Variants in POU6F2 observed in about 807,000 individuals in gnomAD.
POU6F2 encodes POU domain, class 6, transcription factor 2.
A neutral mutation model predicts 71.3 loss-of-function variants in POU6F2; 31 were observed. The observed-to-expected ratio is 0.43, with a 90% confidence interval of 0.33 to 0.59. The LOEUF is 0.59. Among genes scored for constraint, POU6F2 ranks in the 20% least tolerant of loss-of-function variants. POU6F2 has a pLI of 0.04. For synonymous variants in POU6F2, 347 were observed against 355.7 expected, an observed-to-expected ratio of 0.98 and a Z score of 0.27; for missense variants, 783 against 856.8, an observed-to-expected ratio of 0.91 and a Z score of 1.07.
At chr7:38,983,037 T>C (rs1788363435) in intron 1 of POU6F2, among the ~76,000 whole-genome samples, 1 of 152,136 alleles carries the variant, frequency 6.6e-6, no homozygotes, top group Admixed American at 6.6e-5. Flanking sequence ...AATTAACATG[T>C]CTGCAAATAC....
chr7:39,458,951 T>C (rs1788876686), intron 8 of POU6F2, among the ~76,000 whole-genome samples: 1 of 152,080 alleles, frequency 6.6e-6, no homozygotes, highest in African/African-American at 2.4e-5. Context: ...TCCTCTCCAC[T>C]CTCCTGTCTC....
intron 4 of POU6F2, among the ~76,000 whole-genome samples, chr7:39,312,700 G>C (rs539558435): frequency 1.3e-5 from 2 of 152,094 alleles, no homozygotes; most frequent in African/African-American, 4.8e-5. Flanking sequence ...CTTGCACTTC[G>C]AGGCCACTAT....
Position 39,464,400 on chromosome 7 carries a change from C to T in POU6F2, c.1877C>T (p.Thr626Ile), listed in dbSNP as rs781210045. 1.2e-6 allele frequency: 2 copies of T among 1,613,984 alleles called. No individual in the cohort carries two copies. Among genetic ancestry groups the T allele is most frequent in the Non-Finnish European group, 1.7e-6 (2 of 1,179,880 alleles). ...CATCGAGCAGGTATGCAGAACCTGACCGAGTTTATCGGGAGTGAACCATCC... is the reference window on the plus strand; with the variant it reads ...CATCGAGCAGGTATGCAGAACCTGATCGAGTTTATCGGGAGTGAACCATCC... Reference protein sequence around the residue: ...ARHRAGMQNLTEFIGSEPSKK... With the variant: ...ARHRAGMQNLIEFIGSEPSKK... Residue 626 changes from threonine to isoleucine, a missense_variant, in exon 10 of 10, where the codon ACC becomes ATC. Thr to Ile is a moderately conservative substitution (Grantham distance 89). Coordinates refer to ENST00000518318, the MANE Select transcript of POU6F2 (RefSeq NM_001370959.1). The surrounding 1 kb of genome is among the most constrained non-coding windows in gnomAD (Gnocchi z 4.1).
chr7:38,990,369 G>A (rs931241690), intron 1 of POU6F2, among the ~76,000 whole-genome samples: 2 of 152,084 alleles, frequency 1.3e-5, no homozygotes, highest in Non-Finnish European at 2.9e-5. Context: ...CCCTGGAGAT[G>A]GAGTGGGGCT....
In POU6F2 at chr7:39,085,671, T is replaced by C. The variant is rs77524016; in HGVS notation, c.106-189T>C. On this transcript the variant is annotated intron_variant, in intron 1 of 9. Coordinates refer to ENST00000518318, the MANE Select transcript of POU6F2 (RefSeq NM_001370959.1). ...GGAGTAATGGAGAACTCATCGGATC[T>C]GTAATAGCTCTTCACTTGACTGCAG... The C allele has an allele frequency of 6.5e-3, 3,787 of 580,328 alleles. 100 individuals carry two copies. Among genetic ancestry groups the C allele is most frequent in the African/African-American group, 0.064 (3,405 of 53,582 alleles). 35.9% of individuals were successfully genotyped at this position (580,328 alleles called of 1,614,324 possible). A position where few individuals can be genotyped will look rare whatever the true frequency, so the allele number is the denominator to read the frequency against.
At chr7:39,373,713 G>T (rs186727199) in intron 5 of POU6F2, 66 of 339,326 alleles carry the variant, frequency 1.9e-4, no homozygotes, top group African/African-American at 1.4e-3. Context: ...TTTCTACCCA[G>T]TTGCTATCTA....
At chr7:39,228,031 A>T (rs983307234) in intron 4 of POU6F2, among the ~76,000 whole-genome samples, 1 of 152,234 alleles carries the variant, frequency 6.6e-6, no homozygotes, top group African/African-American at 2.4e-5. Flanking sequence ...CTGCCTTACC[A>T]GAAGACACAA....
chr7:39,001,983 T>A (rs1788928779), intron 1 of POU6F2: 1 of 152,200 alleles, frequency 6.6e-6, no homozygotes, highest in South Asian at 2.1e-4. Context: ...TAATGTTGAT[T>A]ATAAGCCACA....
At chr7:39,199,444 AT>A (rs1160144133) in intron 2 of POU6F2, among the ~76,000 whole-genome samples, 1 of 152,204 alleles carries the variant, frequency 6.6e-6, no homozygotes, top group East Asian at 1.9e-4. Flanking sequence ...TAGCTAAGAG[AT>A]GCTGAGACTG....
chr7:39,194,741 C>G (rs1055948772), intron 2 of POU6F2, among the ~76,000 whole-genome samples: 3 of 152,222 alleles, frequency 2.0e-5, no homozygotes, highest in Non-Finnish European at 4.4e-5. Context: ...CTGGTGCTCC[C>G]TCTTTGCTTC....
chr7:39,069,806 C>T (rs1481828142), intron 1 of POU6F2, among the ~76,000 whole-genome samples: 2 of 152,090 alleles, frequency 1.3e-5, no homozygotes, highest in Non-Finnish European at 2.9e-5. Flanking sequence ...CATCTTTGTC[C>T]TCTTCACTTT....
At chr7:39,064,284 C>T (rs1242949244) in intron 1 of POU6F2, among the ~76,000 whole-genome samples, 1 of 151,456 alleles carries the variant, frequency 6.6e-6, no homozygotes, top group East Asian at 1.9e-4. Flanking sequence ...CTACAGAAAC[C>T]CATTTTCTTA....
At chr7:39,037,177 G>T (rs964309566) in intron 1 of POU6F2, among the ~76,000 whole-genome samples, 1 of 151,986 alleles carries the variant, frequency 6.6e-6, no homozygotes, top group Non-Finnish European at 1.5e-5. Context: ...TCCCTCAGAT[G>T]AGGATACTGA....
intron 1 of POU6F2, chr7:39,034,245 G>C (rs1790009920): frequency 5.9e-6 from 1 of 168,512 alleles, no homozygotes; most frequent in Non-Finnish European, 1.3e-5. Context: ...TGTTTACTGG[G>C]AGTTACGTGA....
chr7:39,361,856 G>A (rs1234626601), intron 5 of POU6F2, among the ~76,000 whole-genome samples: 1 of 152,206 alleles, frequency 6.6e-6, no homozygotes, highest in African/African-American at 2.4e-5. Context: ...GAGCTCGGGT[G>A]TTTGAGAGAG....
intron 2 of POU6F2, among the ~76,000 whole-genome samples, chr7:39,163,067 AC>A (rs1367482824): frequency 6.6e-6 from 1 of 152,158 alleles, no homozygotes. Flanking sequence ...TATGAATTTA[AC>A]CCCTTTCTCT....
chr7:39,082,888 A>G (rs1330942112), intron 1 of POU6F2, among the ~76,000 whole-genome samples: 2 of 151,956 alleles, frequency 1.3e-5, no homozygotes, highest in Non-Finnish European at 2.9e-5. Context: ...GTGTTTTGTA[A>G]GACAAAAAAA....
At chr7:39,284,721 ATAGCAGGTT>A (rs1304388717) in intron 4 of POU6F2, among the ~76,000 whole-genome samples, 18 of 152,232 alleles carry the variant, frequency 1.2e-4, no homozygotes, top group Non-Finnish European at 2.5e-4. Flanking sequence ...CATTAAAATC[ATAGCAGGTT>A]TGGGCTTTTC....
chr7:39,136,299 G>T (rs1387433467), intron 2 of POU6F2, among the ~76,000 whole-genome samples: 3 of 152,118 alleles, frequency 2.0e-5, no homozygotes, highest in Non-Finnish European at 2.9e-5. Flanking sequence ...TAGGGTGAAG[G>T]TGGAATAGAA....
Sources: gnomAD v4.1 joint callset for allele counts (sites outside exome capture counted in the v4.1 genomes callset) on GRCh38, gnomAD v4.1.1 for gene constraint, Gnocchi (gnomAD v3.1) non-coding constraint, MANE v1.5 for transcripts, NCBI Gene and HGNC (gene_info 2026-07-23, HGNC 2026-07-21) for gene names.